The following DPP10 variants were observed in gnomAD, a reference collection of about 807,000 sequenced individuals.
The protein encoded by DPP10 is inactive dipeptidyl peptidase 10.
Under a neutral mutation model 120.9 loss-of-function variants are expected in DPP10, and 33 were observed. That is an observed-to-expected ratio of 0.27 (90% CI 0.21 to 0.37). The LOEUF (loss-of-function observed/expected upper bound fraction) is 0.37, where lower values mean the gene tolerates loss of function less well. DPP10 is among the 10% of genes least tolerant of loss of function. The pLI is 1.00. For synonymous variants in DPP10, 337 were observed against 326.1 expected (o/e 1.03, Z -0.36); for missense variants, 816 against 942.8 (o/e 0.87, Z 1.76).
intron 3 of DPP10, among the ~76,000 whole-genome samples, chr2:115,420,249 G>A (rs1385704740): frequency 2.6e-5 from 4 of 152,132 alleles, no homozygotes; most frequent in Admixed American, 6.6e-5. Context: ...CAGACCTTTG[G>A]ACAAAGGATG....
chr2:115,219,412 C>G (rs1456942963), intron 1 of DPP10, among the ~76,000 whole-genome samples: 1 of 152,116 alleles, frequency 6.6e-6, no homozygotes, highest in Non-Finnish European at 1.5e-5. Flanking sequence ...AATCATCCTA[C>G]TTCTGTTCCG....
intron 1 of DPP10, among the ~76,000 whole-genome samples, chr2:115,012,285 C>G (rs1362222833): frequency 6.6e-6 from 1 of 152,110 alleles, no homozygotes; most frequent in Admixed American, 6.5e-5. Context: ...GAATACTGAA[C>G]CAGGTGTCCC....
chr2:115,027,019 C>T (rs184250549), intron 1 of DPP10, among the ~76,000 whole-genome samples: 85 of 151,816 alleles, frequency 5.6e-4, no homozygotes, highest in African/African-American at 2.0e-3. Context: ...TAAACGTTTC[C>T]TTGTATTGAT....
intron 3 of DPP10, among the ~76,000 whole-genome samples, chr2:115,469,615 G>A (rs571021446): frequency 7.9e-5 from 12 of 152,184 alleles, no homozygotes; most frequent in African/African-American, 2.4e-4. Flanking sequence ...ACTAGTTTCC[G>A]AGGCTGAGCA....
rs1221380079 is a variant in DPP10, at chr2:115,164,508, A to C, written c.61-144731A>C. 3.9e-5 allele frequency among the ~76,000 whole-genome samples: 6 copies of C among 152,292 alleles called. No homozygotes were observed. In the South Asian group the frequency reaches 8.3e-4, roughly 21 times the overall value. ...TTTATGAAATTTTACCTAGTGGTTAAATAGGGCACATGTTCCAACAAATCA... is the reference window on the plus strand; with the variant it reads ...TTTATGAAATTTTACCTAGTGGTTACATAGGGCACATGTTCCAACAAATCA... On this transcript the variant is annotated intron_variant, in intron 1 of 25. Transcript: ENST00000410059.
chr2:114,692,017 A>G (rs778028682), intron 1 of DPP10, among the ~76,000 whole-genome samples: 27 of 151,606 alleles, frequency 1.8e-4, no homozygotes, highest in Admixed American at 7.9e-4. Context: ...TATTTTGTTA[A>G]TTGTCTCCAA....
chr2:115,540,884 G>T (rs950601237), intron 5 of DPP10, among the ~76,000 whole-genome samples: 1 of 151,766 alleles, frequency 6.6e-6, no homozygotes, highest in African/African-American at 2.4e-5. Flanking sequence ...CATTCTGAGG[G>T]AGAGCATTTT....
At chr2:115,108,107 T>C (rs1181274676) in intron 1 of DPP10, among the ~76,000 whole-genome samples, 3 of 152,240 alleles carry the variant, frequency 2.0e-5, no homozygotes, top group Admixed American at 1.3e-4. Context: ...TTCTGGGTGA[T>C]ATATGGACCC....
chr2:115,476,141 A>G (rs993667478), intron 3 of DPP10, among the ~76,000 whole-genome samples: 2 of 152,120 alleles, frequency 1.3e-5, no homozygotes, highest in African/African-American at 2.4e-5. Flanking sequence ...TCCATACCCA[A>G]ATCTCATGTG....
intron 1 of DPP10, among the ~76,000 whole-genome samples, chr2:114,500,485 C>T (rs899188375): frequency 1.3e-5 from 2 of 152,064 alleles, no homozygotes. Context: ...AGCATTATAC[C>T]AAAGTGTTAG....
chr2:114,573,327 TAAATG>T (rs1272367314), intron 1 of DPP10, among the ~76,000 whole-genome samples: 2 of 152,044 alleles, frequency 1.3e-5, no homozygotes, highest in Admixed American at 6.5e-5. Context: ...AAAAAATAAA[TAAATG>T]AAAGATCTTC....
intron 1 of DPP10, among the ~76,000 whole-genome samples, chr2:115,181,308 T>G (rs1436888260): frequency 6.6e-6 from 1 of 152,226 alleles, no homozygotes; most frequent in Admixed American, 6.5e-5. Context: ...ATCATATCAC[T>G]CCCTTATTCG....
intron 1 of DPP10, among the ~76,000 whole-genome samples, chr2:114,647,676 A>G (rs1696244401): frequency 6.6e-6 from 1 of 151,460 alleles, no homozygotes; most frequent in Non-Finnish European, 1.5e-5. Context: ...ACCTTCAGAC[A>G]CCTATGATGA....
intron 5 of DPP10, among the ~76,000 whole-genome samples, chr2:115,602,339 A>G (rs989149868): frequency 6.6e-6 from 1 of 152,212 alleles, no homozygotes; most frequent in Non-Finnish European, 1.5e-5. Context: ...AAATGCTCGA[A>G]CACATTTCCA....
chr2:115,052,072 G>A (rs1055459974), intron 1 of DPP10, among the ~76,000 whole-genome samples: 1 of 152,172 alleles, frequency 6.6e-6, no homozygotes, highest in Non-Finnish European at 1.5e-5. Flanking sequence ...AGACCACTCA[G>A]TAAAGAAAGA....
chr2:115,482,108 AT>A (rs1445133495), intron 3 of DPP10, among the ~76,000 whole-genome samples: 1 of 151,994 alleles, frequency 6.6e-6, no homozygotes, highest in African/African-American at 2.4e-5. Context: ...AAAGTTTTGT[AT>A]TTGAAACTTT....
intron 7 of DPP10, among the ~76,000 whole-genome samples, chr2:115,717,625 A>C (rs1463255295): frequency 6.6e-6 from 1 of 152,146 alleles, no homozygotes; most frequent in African/African-American, 2.4e-5. Flanking sequence ...TATGTATATA[A>C]GTTCTCAGAA....
chr2:114,486,182 C>T (rs561294651), intron 1 of DPP10, among the ~76,000 whole-genome samples: 20 of 129,660 alleles, frequency 1.5e-4, no homozygotes, highest in Non-Finnish European at 2.9e-4. Context: ...CTGACTAGGC[C>T]GGGATTTCCA....
rs139478912 is a variant in DPP10, at chr2:115,071,102, C to A, written c.61-238137C>A. Among the ~76,000 whole-genome samples, 18 of 152,248 alleles carry A rather than the reference C, an allele frequency of 1.2e-4. No individual in the cohort carries two copies. The East Asian group carries it at 3.3e-3, about 28-fold the overall frequency. On this transcript the variant is annotated intron_variant, in intron 1 of 25. Transcript: ENST00000410059. The stretch of plus-strand genomic sequence containing the variant: ...CAATGTTTATGCAACTGACTGCTTG[C>A]CAATTAAACACTTATCTTAGGAATT...
Sources: allele counts gnomAD v4.1 joint callset (sites outside exome capture counted in the v4.1 genomes callset), GRCh38; gene constraint gnomAD v4.1.1; transcripts MANE v1.5; gene names NCBI Gene and HGNC (gene_info 2026-07-23, HGNC 2026-07-21).